Variants in ULK4 observed in about 807,000 individuals in gnomAD.
ULK4 encodes the protein inactive serine/threonine-protein kinase ULK4.
Under a neutral mutation model 160.6 loss-of-function variants are expected in ULK4, and 133 were observed. The observed-to-expected ratio is 0.83, with a 90% CI of 0.72 to 0.96. The LOEUF (loss-of-function observed/expected upper bound fraction) is 0.96, where lower values mean the gene tolerates loss of function less well. Among genes scored for constraint, ULK4 ranks in the 40% least tolerant of loss-of-function variants. The probability of loss-of-function intolerance (pLI) is 0.00; values close to 1 mark genes in which losing one functional copy is unlikely to be tolerated. For missense variants in ULK4, 1,580 were observed against 1,499.5 expected (o/e 1.05, Z -0.89); for synonymous variants, 534 against 539.8 (o/e 0.99, Z 0.15).
intron 35 of ULK4, among the ~76,000 whole-genome samples, chr3:41,261,190 A>C (rs1183991589): frequency 7.2e-6 from 1 of 139,316 alleles, no homozygotes; most frequent in African/African-American, 3.3e-5. Context: ...AATAAGTAAA[A>C]AGCCTTGGAG....
intron 30 of ULK4, among the ~76,000 whole-genome samples, chr3:41,641,393 G>C (rs2125716705): frequency 6.6e-6 from 1 of 152,284 alleles, no homozygotes; most frequent in South Asian, 2.1e-4. Flanking sequence ...GGAATAGTTT[G>C]CTTCAAGAAA....
intron 35 of ULK4, among the ~76,000 whole-genome samples, chr3:41,273,631 C>T (rs572003796): frequency 5.3e-5 from 8 of 152,144 alleles, no homozygotes; most frequent in African/African-American, 1.4e-4. Flanking sequence ...AGTTTAGATA[C>T]GATTTGTTTG....
At chr3:41,330,363 A>T (rs2080418956) in intron 35 of ULK4, among the ~76,000 whole-genome samples, 2 of 152,192 alleles carry the variant, frequency 1.3e-5, no homozygotes, top group South Asian at 4.1e-4. Context: ...AAGGCTGGCC[A>T]CTACTCACAT....
intron 13 of ULK4, 34 bp from the exon 14 acceptor site, chr3:41,898,526 A>C (rs754697072): frequency 9.8e-6 from 13 of 1,329,400 alleles, no homozygotes; most frequent in African/African-American, 5.9e-5. Context: ...CTTTTGAGAC[A>C]ATTTTTAAGA....
intron 21 of ULK4, among the ~76,000 whole-genome samples, chr3:41,783,985 C>T (rs1252206819): frequency 1.3e-5 from 2 of 152,098 alleles, no homozygotes; most frequent in South Asian, 2.1e-4. Flanking sequence ...TAAACTCATA[C>T]CTAACCTACA....
intron 35 of ULK4, among the ~76,000 whole-genome samples, chr3:41,251,620 T>A (rs1032996762): frequency 6.6e-6 from 1 of 152,186 alleles, no homozygotes; most frequent in Non-Finnish European, 1.5e-5. Context: ...AGAGAGTAGA[T>A]GAAACCCCCT....
At chr3:41,450,625 G>A (rs1028139315) in intron 34 of ULK4, among the ~76,000 whole-genome samples, 1 of 152,176 alleles carries the variant, frequency 6.6e-6, no homozygotes, top group Non-Finnish European at 1.5e-5. Flanking sequence ...GATGAAAACT[G>A]AAAGTGTGTT....
chr3:41,297,072 C>T (rs2079683546), intron 35 of ULK4, among the ~76,000 whole-genome samples: 1 of 152,148 alleles, frequency 6.6e-6, no homozygotes, highest in Non-Finnish European at 1.5e-5. Context: ...GGGCTATGTT[C>T]TGCTGCTATG....
intron 17 of ULK4, among the ~76,000 whole-genome samples, chr3:41,838,594 A>G (rs1469608150): frequency 6.6e-6 from 1 of 152,194 alleles, no homozygotes; most frequent in African/African-American, 2.4e-5. Context: ...GGAAATGAAA[A>G]ACACTGAGAA....
At chr3:41,613,726 C>T (rs901521459) in intron 31 of ULK4, among the ~76,000 whole-genome samples, 1 of 152,226 alleles carries the variant, frequency 6.6e-6, no homozygotes, top group Non-Finnish European at 1.5e-5. Context: ...TAATGTTCTT[C>T]AAGGACATCA....
intron 30 of ULK4, among the ~76,000 whole-genome samples, chr3:41,621,427 A>G (rs2033239602): frequency 6.6e-6 from 1 of 152,186 alleles, no homozygotes; most frequent in Non-Finnish European, 1.5e-5. Context: ...ATATAAACCA[A>G]TGGAACAGAA....
rs571051484 is a variant in ULK4, at chr3:41,340,486, C to T, written c.3678+57593G>A. ...TTCATTCATTTGTTCATTTGAGAAA[C>T]ATCTACTCTTGTCTACTCTGGGCCA... On this transcript the variant is annotated intron_variant, in intron 35 of 36. Transcript: ENST00000301831. Among the ~76,000 whole-genome samples, 11 of 152,342 alleles carry T rather than the reference C, an allele frequency of 7.2e-5. No individual in the cohort carries two copies. In the South Asian group the frequency reaches 2.3e-3, roughly 32 times the overall value.
chr3:41,303,442 A>T (rs2125712483), intron 35 of ULK4, among the ~76,000 whole-genome samples: 1 of 152,334 alleles, frequency 6.6e-6, no homozygotes, highest in Middle Eastern at 3.4e-3. Flanking sequence ...GAAATGTACC[A>T]CTGCATTTAT....
At chr3:41,785,341 T>C (rs1389149473) in intron 21 of ULK4, among the ~76,000 whole-genome samples, 3 of 152,196 alleles carry the variant, frequency 2.0e-5, no homozygotes, top group African/African-American at 7.2e-5. Flanking sequence ...TATTTTAACT[T>C]GGTAAATGTG....
chr3:41,620,892 T>C (rs574348181), intron 30 of ULK4, among the ~76,000 whole-genome samples: 10 of 152,296 alleles, frequency 6.6e-5, no homozygotes, highest in Admixed American at 1.3e-4. Flanking sequence ...AAAAGTTCCT[T>C]AAGCTGATAG....
In ULK4 at chr3:41,907,926, G is replaced by C; in HGVS notation, c.1101C>G (p.Pro367=). 1.2e-6 allele frequency: 2 copies of C among 1,605,282 alleles called. No homozygotes were observed. Among genetic ancestry groups the C allele is most frequent in the Non-Finnish European group, 1.7e-6 (2 of 1,176,274 alleles). ...SMFLLSSRPT[P]RTSTAVEVSP... is the part of the protein sequence containing the mutation. ...TTACTTCCACTGCAGTGCTAGTTCT[G>C]GGAGTAGGACGAGAACTGAAAAATA... Residue 367 remains proline, a synonymous_variant, in exon 12 of 37, where the codon CCC becomes CCG. Coordinates refer to ENST00000301831, the MANE Select transcript of ULK4 (RefSeq NM_017886.4).
At chr3:41,623,331 G>T (rs1386868632) in intron 30 of ULK4, among the ~76,000 whole-genome samples, 1 of 152,126 alleles carries the variant, frequency 6.6e-6, no homozygotes. Flanking sequence ...ATACACTTGT[G>T]AAGGGAAAAT....
chr3:41,410,113 G>T (rs1345616376), intron 34 of ULK4, among the ~76,000 whole-genome samples: 1 of 152,108 alleles, frequency 6.6e-6, no homozygotes, highest in South Asian at 2.1e-4. Context: ...TAATGGTGGA[G>T]GCACTCTGGA....
intron 25 of ULK4, among the ~76,000 whole-genome samples, chr3:41,706,320 C>T (rs140449870): frequency 2.0e-5 from 3 of 147,570 alleles, no homozygotes; most frequent in African/African-American, 5.1e-5. Context: ...AACGCTGCAA[C>T]GGAGTTCTTG....
Sources: allele counts gnomAD v4.1 joint callset (sites outside exome capture counted in the v4.1 genomes callset), GRCh38; gene constraint gnomAD v4.1.1; transcripts MANE v1.5; gene names NCBI Gene and HGNC (gene_info 2026-07-23, HGNC 2026-07-21).